Variants in IMPG1 observed in about 807,000 individuals in gnomAD.
IMPG1 encodes interphotoreceptor matrix proteoglycan 1, also known as interphotoreceptor matrix proteoglycan of 150 kDa.
IMPG1 carries 85 observed loss-of-function variants against 92.0 expected under a neutral mutation model. The ratio of observed to expected loss-of-function variants is 0.92; its 90% CI spans 0.78 to 1.11. The LOEUF is 1.11. Among genes scored for constraint, IMPG1 ranks in the 50% least tolerant of loss-of-function variants. The probability of loss-of-function intolerance (pLI) is 0.00; values close to 1 mark genes in which losing one functional copy is unlikely to be tolerated. For synonymous variants in IMPG1, 367 were observed against 334.1 expected (o/e 1.10, Z -1.08); for missense variants, 1,022 against 956.0 (o/e 1.07, Z -0.91).
chr6:75,928,190 C>CCTTT (rs1554226820), intron 15 of IMPG1, among the ~76,000 whole-genome samples: 16 of 151,284 alleles, frequency 1.1e-4, no homozygotes, highest in East Asian at 5.8e-4. Flanking sequence ...CACCCCTCAA[C>CCTTT]CTTTCTTTCT....
At chr6:76,041,574 C>T (rs2149490174) in intron 2 of IMPG1, among the ~76,000 whole-genome samples, 1 of 152,252 alleles carries the variant, frequency 6.6e-6, no homozygotes, top group East Asian at 1.9e-4. Context: ...ATATGAACAA[C>T]ATTAAAATGG....
intron 1 of IMPG1, among the ~76,000 whole-genome samples, chr6:76,048,422 A>C (rs911973230): frequency 2.6e-5 from 4 of 152,286 alleles, no homozygotes; most frequent in Admixed American, 2.6e-4. Context: ...GAACTTCCCA[A>C]GCATCCAGCA....
intron 15 of IMPG1, among the ~76,000 whole-genome samples, chr6:75,929,462 C>T (rs553489501): frequency 3.9e-4 from 56 of 143,770 alleles, no homozygotes; most frequent in Middle Eastern, 3.9e-3. Context: ...GACAAAAAAC[C>T]AAACACTGCA....
chr6:76,034,851 G>T, intron 2 of IMPG1, 64 bp from the exon 3 acceptor site: 1 of 1,376,690 alleles, frequency 7.3e-7, no homozygotes, highest in Non-Finnish European at 1.0e-6. Context: ...CCCAAGCAAA[G>T]TCTAATAACA....
chr6:76,072,541 T>A lies in IMPG1; in HGVS notation c.-53A>T. ...ATAACAATCACAGAACAACCTCAAA[T>A]CTCATTAAAAAGTAACAGAAATGTG... On this transcript the variant is annotated 5_prime_UTR_variant, in exon 1 of 17. Coordinates refer to ENST00000369950, the MANE Select transcript of IMPG1 (RefSeq NM_001563.4). The A allele has an allele frequency of 9.7e-7, 1 of 1,033,506 alleles. No homozygotes were observed. The highest frequency in any genetic ancestry group is 1.5e-6 in the Non-Finnish European group (1 of 681,670). 64.0% of individuals were successfully genotyped at this position (1,033,506 alleles called of 1,614,324 possible). A position where few individuals can be genotyped will look rare whatever the true frequency, so the allele number is the denominator to read the frequency against.
intron 12 of IMPG1, among the ~76,000 whole-genome samples, chr6:75,953,504 G>C (rs1311027452): frequency 6.6e-6 from 1 of 152,066 alleles, no homozygotes; most frequent in Non-Finnish European, 1.5e-5. Flanking sequence ...AGAACATGTG[G>C]TGTTTGGGTT....
chr6:76,025,406 C>T (rs1783507913), intron 4 of IMPG1, 148 bp from the exon 5 acceptor site: 1 of 450,850 alleles, frequency 2.2e-6, no homozygotes, highest in Non-Finnish European at 3.9e-6. Context: ...TTTTAAACTA[C>T]AGAAGTAATA....
chr6:76,000,603 A>G (rs1782970687), intron 12 of IMPG1, among the ~76,000 whole-genome samples: 1 of 152,198 alleles, frequency 6.6e-6, no homozygotes, highest in African/African-American at 2.4e-5. Context: ...AAGAACCAAG[A>G]AGGAGTCACT....
intron 12 of IMPG1, among the ~76,000 whole-genome samples, chr6:75,971,395 C>G (rs1214601360): frequency 6.6e-6 from 1 of 151,750 alleles, no homozygotes. Flanking sequence ...GTGCAGCGCA[C>G]CAGCATGGCA....
rs779580990 is a variant in IMPG1, at chr6:75,922,043, C to A, written c.*46G>T. On this transcript the variant is annotated 3_prime_UTR_variant, in exon 17 of 17. Coordinates refer to ENST00000369950, the MANE Select transcript of IMPG1 (RefSeq NM_001563.4). ...CTCCATTTTCCTTGAGAAGGCAAAT[C>A]ATCTCTCTTGAGATAGCCTAAATGA... 3.4e-6 allele frequency: 3 copies of A among 873,884 alleles called. No homozygotes were observed. The Admixed American group carries it at 6.2e-5, about 18-fold the overall frequency. The allele number at this position is 873,884 out of a possible 1,614,324, so 54.1% of individuals were successfully genotyped here.
At chr6:75,964,707 A>C (rs1481658562) in intron 12 of IMPG1, among the ~76,000 whole-genome samples, 2 of 151,524 alleles carry the variant, frequency 1.3e-5, no homozygotes, top group Non-Finnish European at 2.9e-5. Flanking sequence ...GAGAGAGAAA[A>C]ATGAAAAAAT....
intron 7 of IMPG1, among the ~76,000 whole-genome samples, chr6:76,012,493 C>A (rs1783203384): frequency 6.6e-6 from 1 of 152,346 alleles, no homozygotes; most frequent in South Asian, 2.1e-4. Context: ...GGAAGCTCGA[C>A]TGTAGATGCT....
intron 12 of IMPG1, among the ~76,000 whole-genome samples, chr6:75,984,014 G>A (rs1042717366): frequency 1.3e-5 from 2 of 152,066 alleles, no homozygotes; most frequent in African/African-American, 2.4e-5. Context: ...AAACCACAAC[G>A]AGATATTACC....
chr6:76,004,907 A>G (rs567496244), intron 10 of IMPG1, among the ~76,000 whole-genome samples: 1 of 152,252 alleles, frequency 6.6e-6, no homozygotes, highest in South Asian at 2.1e-4. Context: ...CTCAAATTAT[A>G]CTAATTTGAA....
chr6:75,929,114 A>G (rs1562337061), intron 15 of IMPG1, among the ~76,000 whole-genome samples: 1 of 152,234 alleles, frequency 6.6e-6, no homozygotes, highest in Admixed American at 6.5e-5. Context: ...CTATTCTTGT[A>G]GAAATAATTG....
chr6:75,948,438 T>C (rs1369355323), intron 13 of IMPG1, among the ~76,000 whole-genome samples: 1 of 152,148 alleles, frequency 6.6e-6, no homozygotes, highest in Non-Finnish European at 1.5e-5. Context: ...CTCCTAGGTG[T>C]GACCCACACC....
At chr6:76,062,952 C>T (rs573018253) in intron 1 of IMPG1, among the ~76,000 whole-genome samples, 4 of 151,416 alleles carry the variant, frequency 2.6e-5, no homozygotes, top group Admixed American at 2.6e-4. Context: ...GCCTGTAATC[C>T]CAGCACTTTA....
chr6:76,041,816 T>C, intron 2 of IMPG1, 77 bp downstream of exon 2: 1 of 975,322 alleles, frequency 1.0e-6, no homozygotes, highest in Non-Finnish European at 1.6e-6. Flanking sequence ...AGTTTTAGGC[T>C]AAAGACAACC....
At chr6:75,964,223 C>T (rs1782262201) in intron 12 of IMPG1, among the ~76,000 whole-genome samples, 2 of 152,090 alleles carry the variant, frequency 1.3e-5, no homozygotes, top group South Asian at 4.2e-4. Context: ...GAAGGCTAAT[C>T]GGGAAGTGGC....
Sources: allele counts gnomAD v4.1 joint callset (sites outside exome capture counted in the v4.1 genomes callset), GRCh38; gene constraint gnomAD v4.1.1; transcripts MANE v1.5; gene names NCBI Gene and HGNC (gene_info 2026-07-23, HGNC 2026-07-21).